The following HSPA4 variants were observed in gnomAD, a reference collection of about 807,000 sequenced individuals.
The protein encoded by HSPA4 is heat shock protein family A (Hsp70) member 4.
Under a neutral mutation model 106.2 loss-of-function variants are expected in HSPA4, and 25 were observed. The observed-to-expected ratio is 0.24, with a 90% CI of 0.17 to 0.33. The LOEUF (loss-of-function observed/expected upper bound fraction) is 0.33. Ranked by LOEUF, HSPA4 falls within the 10% of genes least tolerant of loss-of-function variation. The pLI, the probability that HSPA4 is intolerant of heterozygous loss-of-function variation, is 1.00. For synonymous variants in HSPA4, 332 were observed against 333.6 expected, an observed-to-expected ratio of 1.00 and a Z score of 0.05; for missense variants, 841 against 996.0, an observed-to-expected ratio of 0.84 and a Z score of 2.10.
intron 1 of HSPA4, among the ~76,000 whole-genome samples, chr5:133,061,557 C>T (rs892678344): frequency 1.3e-5 from 2 of 152,082 alleles, no homozygotes; most frequent in African/African-American, 2.4e-5. Context: ...TAATGTAATT[C>T]GGTTTGTGGT....
At chr5:133,053,130 C>T (rs1406874624) in intron 1 of HSPA4, among the ~76,000 whole-genome samples, 1 of 152,092 alleles carries the variant, frequency 6.6e-6, no homozygotes, top group East Asian at 1.9e-4. Context: ...CTCAAGGGCC[C>T]GCCTTGACTT....
chr5:133,082,763 G>A (rs1189255388), intron 7 of HSPA4, among the ~76,000 whole-genome samples: 1 of 152,022 alleles, frequency 6.6e-6, no homozygotes, highest in East Asian at 1.9e-4. Context: ...ACCCGGACGG[G>A]AATTATATAC....
rs1362831816 is a variant in HSPA4, at chr5:133,076,671, T to A, written c.681T>A (p.Phe227Leu). ...RGKLKVLATA[F>L]DTTLGGRKFD... ...TCCTTAAGGTTCTGGCCACTGCATTTGACACGACATTGGGAGGTAGAAAAT... is the reference window on the plus strand; with the variant it reads ...TCCTTAAGGTTCTGGCCACTGCATTAGACACGACATTGGGAGGTAGAAAAT... Residue 227 changes from phenylalanine (F) to leucine (L), a missense_variant, in exon 7 of 19, where the codon TTT becomes TTA. Phe to Leu is a conservative substitution (Grantham distance 22). This residue lies in a region of HSPA4 where 347 missense variants were observed against 408.7 expected (regional missense o/e 0.85). Transcript: ENST00000304858. 6.2e-7 allele frequency: 1 copy of A among 1,613,522 alleles called. No homozygotes were observed. The highest frequency in any genetic ancestry group is 1.3e-5 in the African/African-American group (1 of 74,918).
intron 1 of HSPA4, among the ~76,000 whole-genome samples, chr5:133,056,074 C>T (rs1161275080): frequency 3.3e-5 from 5 of 152,012 alleles, no homozygotes; most frequent in South Asian, 2.1e-4. Context: ...GAGACTCTGT[C>T]TCAAAAATAA....
chr5:133,062,078 T>C (rs1765252193), intron 1 of HSPA4, among the ~76,000 whole-genome samples: 1 of 152,210 alleles, frequency 6.6e-6, no homozygotes, highest in Non-Finnish European at 1.5e-5. Context: ...TGGGATACTT[T>C]ATTCAACTTG....
intron 17 of HSPA4, 50 bp from the exon 18 acceptor site, chr5:133,103,815 A>T: frequency 6.7e-7 from 1 of 1,491,276 alleles, no homozygotes; most frequent in Non-Finnish European, 9.2e-7. Flanking sequence ...AGTTGCGGGG[A>T]GGGAGGGTAT....
chr5:133,102,246 G>C (rs1263805688), intron 17 of HSPA4, among the ~76,000 whole-genome samples: 1 of 152,146 alleles, frequency 6.6e-6, no homozygotes, highest in Admixed American at 6.5e-5. Flanking sequence ...GTTAACTTCT[G>C]AGGCATTTAC....
intron 1 of HSPA4, among the ~76,000 whole-genome samples, chr5:133,064,039 G>A (rs1765278158): frequency 6.6e-6 from 1 of 152,228 alleles, no homozygotes; most frequent in African/African-American, 2.4e-5. Flanking sequence ...TGGGATTACA[G>A]GCGTGAGCCA....
intron 2 of HSPA4, among the ~76,000 whole-genome samples, chr5:133,067,027 A>G (rs906230241): frequency 1.3e-5 from 2 of 152,214 alleles, no homozygotes; most frequent in South Asian, 2.1e-4. Flanking sequence ...TAGAATTTCT[A>G]AATCAATTTA....
At chr5:133,057,750 A>G (rs1300500726) in intron 1 of HSPA4, among the ~76,000 whole-genome samples, 1 of 152,218 alleles carries the variant, frequency 6.6e-6, no homozygotes, top group Non-Finnish European at 1.5e-5. Context: ...GCAATTTGGA[A>G]TGGAGGAAAA....
chr5:133,073,074 C>T (rs1294039800), intron 4 of HSPA4, among the ~76,000 whole-genome samples, 156 bp from the exon 5 acceptor site: 2 of 152,164 alleles, frequency 1.3e-5, no homozygotes, highest in Non-Finnish European at 2.9e-5. Flanking sequence ...TATCCTAACA[C>T]TGCTTACTAA....
chr5:133,070,491 G>A lies in HSPA4; in HGVS notation c.424G>A (p.Val142Ile). The change falls in exon 4 of 19, where the codon GTT becomes ATT. Residue 142 changes from valine (V) to isoleucine (I), a missense_variant. Coordinates refer to ENST00000304858, the MANE Select transcript of HSPA4 (RefSeq NM_002154.4). ...VLKKPVVDCV[V>I]SVPCFYTDAE... ...TAAGAAGCCTGTAGTTGACTGTGTT[G>A]TTTCGGTGAGTTTGATCCCTATACA... 1 of 1,613,768 alleles carries A rather than the reference G, an allele frequency of 6.2e-7. No individual in the cohort carries two copies. Among genetic ancestry groups the A allele is most frequent in the South Asian group, 1.1e-5 (1 of 91,084 alleles).
chr5:133,092,407 G>T (rs1370938888), intron 12 of HSPA4, among the ~76,000 whole-genome samples: 5 of 152,132 alleles, frequency 3.3e-5, no homozygotes, highest in African/African-American at 1.2e-4. Context: ...ATTAAATGAT[G>T]CCACATTGTG....
At chr5:133,076,951 A>G (rs1345973083) in intron 7 of HSPA4, 53 bp downstream of exon 7, 2 of 1,414,292 alleles carry the variant, frequency 1.4e-6, no homozygotes, top group Admixed American at 1.9e-5. Flanking sequence ...TTCTCCACAT[A>G]TATTAACCTT....
intron 1 of HSPA4, among the ~76,000 whole-genome samples, chr5:133,057,531 C>G (rs4382161): frequency 0.096 from 14,565 of 152,052 alleles, 1,125 homozygotes; most frequent in Admixed American, 0.23. Context: ...GCTATGCATA[C>G]ACTTATAAAA....
In HSPA4 at chr5:133,106,101, AATTTTTTTTTTTTTTTTTTTTTT is replaced by A. The variant is rs1765855419; in HGVS notation, c.*1666_*1688del. On this transcript the variant is annotated 3_prime_UTR_variant, in exon 19 of 19. Coordinates refer to ENST00000304858, the MANE Select transcript of HSPA4 (RefSeq NM_002154.4). Reference sequence around the variant, plus strand: ...GGCCATTTCTTCTTAAAAAAAAAAAAATTTTTTTTTTTTTTTTTTTTTTTTTTTTTTTTTTTTTTGGTGTGTGT... The same window carrying A: ...GGCCATTTCTTCTTAAAAAAAAAAAATTTTTTTTTTTTTTTTGGTGTGTGT... 1.0e-3 allele frequency: 82 copies of A among 80,244 alleles called. 2 individuals are homozygous for A. The highest frequency in any genetic ancestry group is 4.0e-3 in the African/African-American group (79 of 19,858). 5.0% of individuals were successfully genotyped at this position (80,244 alleles called of 1,614,324 possible). A position where few individuals can be genotyped will look rare whatever the true frequency, so the allele number is the denominator to read the frequency against.
chr5:133,075,721 T>C (rs1392855410), intron 6 of HSPA4, among the ~76,000 whole-genome samples: 5 of 152,150 alleles, frequency 3.3e-5, no homozygotes, highest in Middle Eastern at 3.4e-3. Flanking sequence ...TCCTAGCTAC[T>C]TGGGATGCTG....
At chr5:133,070,253 C>A in intron 3 of HSPA4, 121 bp from the exon 4 acceptor site, 146 of 703,566 alleles carry the variant, frequency 2.1e-4, no homozygotes, top group Non-Finnish European at 2.3e-4. Flanking sequence ...TTTTTTTTTT[C>A]AATCCCCTCT....
At position 133,104,243 on chromosome 5, in the gene HSPA4, G is replaced by A. The variant is rs769988128; in HGVS notation, c.2330G>A (p.Ser777Asn). ...EIEAKIKELT[S>N]TCSPIISKPK... is the part of the protein sequence containing the mutation. Reference sequence around the variant, plus strand: ...TCTTACCCATTCCAGGAGCTGACAAGTACTTGTAGCCCTATAATTTCAAAG... The same window carrying A: ...TCTTACCCATTCCAGGAGCTGACAAATACTTGTAGCCCTATAATTTCAAAG... Residue 777 changes from serine (S) to asparagine (N), a missense_variant, in exon 19 of 19, where the codon AGT becomes AAT. Transcript: ENST00000304858. 6.2e-7 allele frequency: 1 copy of A among 1,613,888 alleles called. No homozygotes were observed. Among genetic ancestry groups the A allele is most frequent in the Non-Finnish European group, 8.5e-7 (1 of 1,179,860 alleles).
Sources: allele counts gnomAD v4.1 joint callset (sites outside exome capture counted in the v4.1 genomes callset), GRCh38; gene constraint gnomAD v4.1.1; regional missense constraint gnomAD v4.1.1; transcripts MANE v1.5; gene names NCBI Gene and HGNC (gene_info 2026-07-23, HGNC 2026-07-21).